Variants in ZNF385D observed in about 807,000 individuals in gnomAD.
The protein encoded by ZNF385D is zinc finger protein 385D, also known as zinc finger protein 659.
Under a neutral mutation model 35.8 loss-of-function variants are expected in ZNF385D, and 15 were observed. That is an observed-to-expected ratio of 0.42 (90% CI 0.28 to 0.64). The LOEUF (loss-of-function observed/expected upper bound fraction) is 0.64. Among genes scored for constraint, ZNF385D ranks in the 30% least tolerant of loss-of-function variants. The probability of loss-of-function intolerance (pLI) is 0.23; values close to 1 mark genes in which losing one functional copy is unlikely to be tolerated. For missense variants in ZNF385D, 474 were observed against 494.6 expected, an observed-to-expected ratio of 0.96 and a Z score of 0.39; for synonymous variants, 212 against 186.8, an observed-to-expected ratio of 1.13 and a Z score of -1.10.
chr3:21,625,297 A>T (rs1237133342), intron 2 of ZNF385D, among the ~76,000 whole-genome samples: 1 of 152,012 alleles, frequency 6.6e-6, no homozygotes, highest in Non-Finnish European at 1.5e-5. Flanking sequence ...TCTCGTTGAC[A>T]GTTAATATAT....
chr3:22,082,385 C>G (rs78196548), intron 3 of ZNF385D, among the ~76,000 whole-genome samples: 16,853 of 152,224 alleles, frequency 0.11, 1,157 homozygotes, highest in Admixed American at 0.19. Flanking sequence ...GCAAATGGCA[C>G]ACCAGGGGAT....
chr3:22,122,688 G>A (rs1464667399), intron 3 of ZNF385D, among the ~76,000 whole-genome samples: 1 of 152,240 alleles, frequency 6.6e-6, no homozygotes, highest in East Asian at 1.9e-4. Flanking sequence ...GTATATATAT[G>A]GGGGAGGTAA....
intron 3 of ZNF385D, among the ~76,000 whole-genome samples, chr3:22,004,808 G>A (rs1329474079): frequency 6.6e-6 from 1 of 152,062 alleles, no homozygotes; most frequent in African/African-American, 2.4e-5. Flanking sequence ...TCCCTTCACT[G>A]CTTTAAATTG....
chr3:21,637,699 G>T (rs1446348823), intron 2 of ZNF385D, among the ~76,000 whole-genome samples: 1 of 152,188 alleles, frequency 6.6e-6, no homozygotes, highest in Admixed American at 6.5e-5. Flanking sequence ...TCAAAGTGGG[G>T]TTTAAAGAAT....
chr3:21,473,781 TTGACATAAATGTTAGC>T (rs1388631304), intron 4 of ZNF385D, among the ~76,000 whole-genome samples: 1 of 152,152 alleles, frequency 6.6e-6, no homozygotes, highest in East Asian at 1.9e-4. Context: ...ATCTCTGTTC[TTGACATAAATGTTAGC>T]TGACCAGAGA....
chr3:21,598,883 T>C (rs2064200987), intron 2 of ZNF385D, among the ~76,000 whole-genome samples: 1 of 152,180 alleles, frequency 6.6e-6, no homozygotes, highest in Admixed American at 6.5e-5. Flanking sequence ...CATTCCCTTA[T>C]GATCAGAAAA....
At chr3:22,141,957 T>C (rs553824070) in intron 3 of ZNF385D, among the ~76,000 whole-genome samples, 5 of 152,306 alleles carry the variant, frequency 3.3e-5, no homozygotes, top group African/African-American at 7.2e-5. Flanking sequence ...ATGACTGACA[T>C]TGCATTTCAA....
chr3:21,847,165 G>C (rs148005712), intron 3 of ZNF385D, among the ~76,000 whole-genome samples: 130 of 152,098 alleles, frequency 8.5e-4, no homozygotes, highest in African/African-American at 3.1e-3. Flanking sequence ...AAACATGGAA[G>C]AATTTATATT....
chr3:21,507,288 G>T (rs1434430078), intron 4 of ZNF385D, among the ~76,000 whole-genome samples: 1 of 151,756 alleles, frequency 6.6e-6, no homozygotes, highest in African/African-American at 2.4e-5. Flanking sequence ...CCTCTCCAGG[G>T]GTTCTCATTT....
chr3:22,158,216 C>A (rs1302289906), intron 3 of ZNF385D, among the ~76,000 whole-genome samples: 1 of 152,020 alleles, frequency 6.6e-6, no homozygotes, highest in Non-Finnish European at 1.5e-5. Context: ...TGAGTTATAT[C>A]TGAGTTTCTA....
intron 2 of ZNF385D, among the ~76,000 whole-genome samples, chr3:22,358,915 C>T (rs1407541210): frequency 1.3e-5 from 2 of 151,436 alleles, no homozygotes. Context: ...ATCTGTATGA[C>T]TTAGTGTCTA....
intron 3 of ZNF385D, among the ~76,000 whole-genome samples, chr3:21,926,235 T>C (rs1052070515): frequency 5.9e-5 from 9 of 152,180 alleles, no homozygotes; most frequent in African/African-American, 2.2e-4. Context: ...GCTGCTCCCA[T>C]AAACCTGTCA....
chr3:21,604,254 C>T (rs1208162551), intron 2 of ZNF385D, among the ~76,000 whole-genome samples: 2 of 151,696 alleles, frequency 1.3e-5, no homozygotes, highest in African/African-American at 2.4e-5. Context: ...AGAGAGTCTG[C>T]TCTGTGTGTA....
intron 3 of ZNF385D, among the ~76,000 whole-genome samples, chr3:21,949,579 T>TTTA (rs1559783803): frequency 2.1e-5 from 3 of 141,932 alleles, no homozygotes; most frequent in Admixed American, 7.4e-5. Flanking sequence ...TTAATACTTT[T>TTTA]AAGTTCTGGG....
At chr3:22,275,130 T>C (rs759976775) in intron 2 of ZNF385D, among the ~76,000 whole-genome samples, 23 of 152,278 alleles carry the variant, frequency 1.5e-4, no homozygotes, top group Admixed American at 3.9e-4. Flanking sequence ...GCTTCAACTA[T>C]GTTAGGAAGA....
At position 22,028,499 on chromosome 3, in the gene ZNF385D, C is replaced by T. The variant is rs540590491; in HGVS notation, c.325+140318G>A. On this transcript the variant is annotated intron_variant, in intron 3 of 5. Coordinates refer to the ZNF385D transcript ENST00000494108. ...GAGCCCTCAATATGGCACCATTCCT[C>T]GGGGTGATCAGCCAGCTACCTGGTG... Among the ~76,000 whole-genome samples the T allele has an allele frequency of 1.5e-4, 23 of 152,296 alleles. No homozygotes were observed. In the South Asian group the frequency reaches 4.1e-3, roughly 27 times the overall value.
At chr3:22,371,596 A>T (rs977709639) in intron 2 of ZNF385D, among the ~76,000 whole-genome samples, 3 of 152,202 alleles carry the variant, frequency 2.0e-5, no homozygotes, top group African/African-American at 7.2e-5. Context: ...GGCATTTCAC[A>T]CAGGGTGACA....
intron 2 of ZNF385D, among the ~76,000 whole-genome samples, chr3:22,323,248 G>C (rs991026845): frequency 6.6e-6 from 1 of 152,166 alleles, no homozygotes; most frequent in East Asian, 1.9e-4. Context: ...TTCTTTCCAG[G>C]ATCTCTCCCT....
At chr3:22,158,261 T>C (rs1187770933) in intron 3 of ZNF385D, among the ~76,000 whole-genome samples, 2 of 152,074 alleles carry the variant, frequency 1.3e-5, no homozygotes, top group Admixed American at 6.6e-5. Context: ...CATCACAATT[T>C]CCATTAAACA....
Sources: gnomAD v4.1 joint callset for allele counts (sites outside exome capture counted in the v4.1 genomes callset) on GRCh38, gnomAD v4.1.1 for gene constraint, MANE v1.5 for transcripts, NCBI Gene and HGNC (gene_info 2026-07-23, HGNC 2026-07-21) for gene names.